FRY: variants seen among roughly 807,000 people sequenced by gnomAD.
FRY encodes protein furry homolog.
A neutral mutation model predicts 348.4 loss-of-function variants in FRY; 128 were observed. The ratio of observed to expected loss-of-function variants is 0.37; its 90% CI spans 0.32 to 0.43. The LOEUF (loss-of-function observed/expected upper bound fraction) is 0.43. Ranked by LOEUF, FRY falls within the 20% of genes least tolerant of loss-of-function variation. The pLI, the probability that FRY is intolerant of heterozygous loss-of-function variation, is 1.00. For missense variants in FRY, 2,736 were observed against 3,695.2 expected, an observed-to-expected ratio of 0.74 and a Z score of 6.73; for synonymous variants, 1,370 against 1,374.7, an observed-to-expected ratio of 1.00 and a Z score of 0.08.
At chr13:32,216,174 T>G (rs1019562496) in intron 35 of FRY, among the ~76,000 whole-genome samples, 3 of 152,230 alleles carry the variant, frequency 2.0e-5, no homozygotes, top group Non-Finnish European at 2.9e-5. Flanking sequence ...TCTTAAGGTA[T>G]GTACCTTTGA....
intron 11 of FRY, among the ~76,000 whole-genome samples, chr13:32,143,916 A>G (rs1036288623): frequency 1.3e-5 from 2 of 152,130 alleles, no homozygotes; most frequent in African/African-American, 4.8e-5. Context: ...AGACAGGGAA[A>G]ATCAGACCCA....
At chr13:32,127,539 A>G (rs913785801) in intron 7 of FRY, among the ~76,000 whole-genome samples, 2 of 152,182 alleles carry the variant, frequency 1.3e-5, no homozygotes, top group Admixed American at 6.5e-5. Context: ...TCACTTTGGG[A>G]GGCCAAGGTG....
At chr13:32,160,908 T>C (rs1013738221) in intron 16 of FRY, among the ~76,000 whole-genome samples, 5 of 149,912 alleles carry the variant, frequency 3.3e-5, no homozygotes, top group African/African-American at 1.2e-4. Flanking sequence ...AAAATACTAT[T>C]GATATCAGCA....
chr13:32,109,551 A>C (rs959579536), intron 3 of FRY, among the ~76,000 whole-genome samples: 1 of 152,190 alleles, frequency 6.6e-6, no homozygotes, highest in Admixed American at 6.5e-5. Flanking sequence ...GCCAGGCAGC[A>C]GGGGTCTCAC....
At chr13:32,189,549 G>A (rs1226778024) in intron 28 of FRY, among the ~76,000 whole-genome samples, 1 of 151,674 alleles carries the variant, frequency 6.6e-6, no homozygotes, top group African/African-American at 2.4e-5. Context: ...ACAAATTAAT[G>A]GTAGTGATCA....
chr13:32,274,987 A>G lies in FRY; in HGVS notation c.8282A>G (p.Glu2761Gly). ...SECPTLFVDAETLLSCGLLDK... is the reference protein window; with the variant it reads ...SECPTLFVDAGTLLSCGLLDK... The stretch of plus-strand genomic sequence containing the variant: ...TGTCCTACACTTTTTGTGGATGCCG[A>G]GACTGTGAGTATCCCAGTCCTGCTC... The change falls in exon 56 of 61, where the codon GAG (glutamate) becomes GGG (glycine). Residue 2761 changes from glutamate (E) to glycine (G), a missense_variant. Coordinates refer to ENST00000542859, the MANE Select transcript of FRY (RefSeq NM_023037.3). The G allele has an allele frequency of 1.2e-6, 2 of 1,613,570 alleles. No individual in the cohort carries two copies. The highest frequency in any genetic ancestry group is 2.2e-5 in the South Asian group (2 of 91,064).
Position 32,194,209 on chromosome 13 carries a change from T to C in FRY, c.3658T>C (p.Phe1220Leu), listed in dbSNP as rs1024704198. 45 of 1,613,962 alleles carry C rather than the reference T, an allele frequency of 2.8e-5. No individual in the cohort carries two copies. The highest frequency in any genetic ancestry group is 3.6e-5 in the Non-Finnish European group (43 of 1,179,966). Residue 1220 changes from phenylalanine to leucine, a missense_variant, in exon 29 of 61, where the codon TTT (phenylalanine) becomes CTT (leucine). By Grantham distance (22) the Phe-to-Leu change is conservative (BLOSUM62 0). Around this residue, in one of 9 missense-constraint regions of FRY, gnomAD observed 794 missense variants for 977.0 expected, o/e 0.81. Coordinates refer to ENST00000542859, the MANE Select transcript of FRY (RefSeq NM_023037.3). ...ACTTAATCCTGACCAAATAAATCTT[T>C]TTAACTGGGCAATTGACCGATGCTA... ...LELNPDQINLFNWAIDRCYTG... is the reference protein window; with the variant it reads ...LELNPDQINLLNWAIDRCYTG...
At chr13:32,085,786 T>A (rs1041247167) in intron 2 of FRY, 3 of 486,446 alleles carry the variant, frequency 6.2e-6, no homozygotes, top group Non-Finnish European at 8.2e-6. Context: ...AGCAGGGGAC[T>A]TGACTGTCTC....
Position 32,157,337 on chromosome 13 carries a change from A to G in FRY, c.1716A>G (p.Lys572=). The G allele has an allele frequency of 1.2e-6, 2 of 1,612,494 alleles. No homozygotes were observed. Among genetic ancestry groups the G allele is most frequent in the South Asian group, 1.1e-5 (1 of 91,050 alleles). Reference sequence around the variant, plus strand: ...ACAACATTTTAAGGCACCTTGATAAAGAAGTAGGAAGGTGTATGATGCTGA... The same window carrying G: ...ACAACATTTTAAGGCACCTTGATAAGGAAGTAGGAAGGTGTATGATGCTGA... ...AVDNILRHLD[K]EVGRCMMLTN... is the part of the protein sequence containing the mutation. The change falls in exon 16 of 61, where the codon AAA becomes AAG. Residue 572 remains lysine, a synonymous_variant. Coordinates refer to ENST00000542859, the MANE Select transcript of FRY (RefSeq NM_023037.3).
At chr13:32,054,077 A>AAGTCACTC (rs1370997763) in intron 1 of FRY, among the ~76,000 whole-genome samples, 4 of 152,236 alleles carry the variant, frequency 2.6e-5, no homozygotes, top group Non-Finnish European at 5.9e-5. Flanking sequence ...TCTAGTGAAC[A>AAGTCACTC]AGTCACTCAG....
At chr13:32,109,505 G>C (rs1431716551) in intron 3 of FRY, among the ~76,000 whole-genome samples, 2 of 152,298 alleles carry the variant, frequency 1.3e-5, no homozygotes, top group South Asian at 2.1e-4. Flanking sequence ...TTTAAAATAA[G>C]CCTTTTATCC....
chr13:32,235,976 G>C, intron 42 of FRY, 102 bp from the exon 43 acceptor site: 1 of 869,552 alleles, frequency 1.2e-6, no homozygotes, highest in Non-Finnish European at 1.9e-6. Context: ...AATTAAAGCA[G>C]CAATAACATT....
In FRY at chr13:32,066,827, T is replaced by A. The variant is rs746890245; in HGVS notation, c.71-12007T>A. On this transcript the variant is annotated intron_variant, in intron 1 of 60. Coordinates refer to ENST00000542859, the MANE Select transcript of FRY (RefSeq NM_023037.3). Reference sequence around the variant, plus strand: ...TTGGTTTGCCATTTAAGACCTTAGTTCTAATGCTAATAAGTATTTTAAAAC... The same window carrying A: ...TTGGTTTGCCATTTAAGACCTTAGTACTAATGCTAATAAGTATTTTAAAAC... Among the ~76,000 whole-genome samples the A allele has an allele frequency of 1.1e-4, 17 of 152,212 alleles. 1 individual carries two copies. Among genetic ancestry groups the A allele is most frequent in the Non-Finnish European group, 1.5e-5 (1 of 68,022 alleles).
chr13:32,292,494 A>G (rs1889421675), intron 59 of FRY, among the ~76,000 whole-genome samples: 1 of 152,100 alleles, frequency 6.6e-6, no homozygotes, highest in South Asian at 2.1e-4. Flanking sequence ...GGAAGAGTCA[A>G]TCAATAAAGC....
intron 4 of FRY, among the ~76,000 whole-genome samples, chr13:32,124,084 C>T (rs1483683787): frequency 6.6e-6 from 1 of 152,038 alleles, no homozygotes. Flanking sequence ...GTAATCTGCC[C>T]GCCTCGGCCT....
chr13:32,203,467 C>G (rs61946735), intron 31 of FRY, among the ~76,000 whole-genome samples: 1 of 152,008 alleles, frequency 6.6e-6, no homozygotes, highest in Non-Finnish European at 1.5e-5. Flanking sequence ...GGCTCACACC[C>G]GTAATCCCAA....
At chr13:32,173,340 C>T (rs371534966) in intron 18 of FRY, 27 bp from the exon 19 acceptor site, 5 of 1,579,874 alleles carry the variant, frequency 3.2e-6, no homozygotes, top group Non-Finnish European at 4.3e-6. Context: ...TCGCTGAATA[C>T]AGAATGTTGT....
intron 29 of FRY, among the ~76,000 whole-genome samples, chr13:32,199,161 C>T (rs1318354128): frequency 1.3e-5 from 2 of 152,136 alleles, no homozygotes; most frequent in Non-Finnish European, 2.9e-5. Flanking sequence ...TCAGTCATTC[C>T]CACTGGGGCT....
intron 20 of FRY, among the ~76,000 whole-genome samples, chr13:32,176,769 A>T (rs1882382731): frequency 6.6e-6 from 1 of 152,244 alleles, no homozygotes; most frequent in African/African-American, 2.4e-5. Flanking sequence ...GCAGTTAGGA[A>T]GATATACAGA....
Sources: allele counts gnomAD v4.1 joint callset (sites outside exome capture counted in the v4.1 genomes callset), GRCh38; gene constraint gnomAD v4.1.1; regional missense constraint gnomAD v4.1.1; transcripts MANE v1.5; gene names NCBI Gene and HGNC (gene_info 2026-07-23, HGNC 2026-07-21).